The following PPM1D variants were observed in gnomAD, a reference collection of about 807,000 sequenced individuals.
PPM1D encodes protein phosphatase 1D.
PPM1D carries 52 observed loss-of-function variants against 58.3 expected under a neutral mutation model. The observed-to-expected ratio is 0.89, with a 90% CI of 0.71 to 1.12. PPM1D has a LOEUF of 1.12. Among genes scored for constraint, PPM1D ranks in the 50% most tolerant of loss-of-function variants. The probability of loss-of-function intolerance (pLI) is 0.00; values close to 1 mark genes in which losing one functional copy is unlikely to be tolerated. For synonymous variants in PPM1D, 278 were observed against 285.1 expected (o/e 0.98, Z 0.25); for missense variants, 564 against 777.2 (o/e 0.73, Z 3.26).
Position 60,663,137 on chromosome 17 carries a change from C to A in PPM1D, c.1403C>A (p.Ser468Ter), listed in dbSNP as rs375975790. ...RENVQGVVIPSKDPEPLEENC... is the reference protein window; with the variant it reads ...RENVQGVVIP ...AATGTCCAAGGTGTAGTCATACCCT[C>A]AAAAGATCCAGAACCACTTGAAGAA... The change falls in exon 6 of 6, where the codon TCA (serine) becomes TAA (stop). Residue 468 changes from serine to a stop codon, truncating the protein, a stop_gained. Transcript: ENST00000305921. LOFTEE classifies it high-confidence loss of function. 1 of 1,614,114 alleles carries A rather than the reference C, an allele frequency of 6.2e-7. No individual in the cohort carries two copies. Among genetic ancestry groups the A allele is most frequent in the Non-Finnish European group, 8.5e-7 (1 of 1,180,006 alleles).
intron 3 of PPM1D, among the ~76,000 whole-genome samples, chr17:60,643,362 T>C (rs943234410): frequency 1.3e-5 from 2 of 151,974 alleles, no homozygotes; most frequent in African/African-American, 4.8e-5. Flanking sequence ...TCCTGGGCAA[T>C]AGAGTAAGAC....
chr17:60,635,422 T>C (rs2143678122), intron 3 of PPM1D, among the ~76,000 whole-genome samples: 3 of 152,188 alleles, frequency 2.0e-5, no homozygotes, highest in South Asian at 2.1e-4. Flanking sequence ...TCTATGTTGG[T>C]CAGACTGGTC....
chr17:60,608,537 G>C (rs1252629437), intron 1 of PPM1D, among the ~76,000 whole-genome samples: 1 of 151,920 alleles, frequency 6.6e-6, no homozygotes, highest in Non-Finnish European at 1.5e-5. Context: ...GCTACAGTGA[G>C]CTGAGATCAA....
intron 1 of PPM1D, among the ~76,000 whole-genome samples, chr17:60,603,182 A>G (rs1194731929): frequency 2.0e-5 from 3 of 151,888 alleles, no homozygotes; most frequent in Non-Finnish European, 4.4e-5. Context: ...CCTTTTTTCT[A>G]CTTTTGTAGT....
chr17:60,657,455 A>G (rs1289124909), intron 5 of PPM1D, among the ~76,000 whole-genome samples: 2 of 152,206 alleles, frequency 1.3e-5, no homozygotes. Context: ...TTCCCACCAA[A>G]AATTAGCAGT....
intron 2 of PPM1D, among the ~76,000 whole-genome samples, chr17:60,632,544 G>A (rs1452224313): frequency 6.6e-6 from 1 of 150,474 alleles, no homozygotes; most frequent in Non-Finnish European, 1.5e-5. Context: ...TCCAGCCTGG[G>A]CGACAGAGAC....
intron 2 of PPM1D, among the ~76,000 whole-genome samples, chr17:60,624,660 C>T (rs2030769902): frequency 6.6e-6 from 1 of 152,066 alleles, no homozygotes; most frequent in Non-Finnish European, 1.5e-5. Flanking sequence ...GTGGCACATG[C>T]CTGTAATCCC....
At position 60,600,660 on chromosome 17, in the gene PPM1D, C is replaced by G. The variant is rs568338768; in HGVS notation, c.246C>G (p.Ala82=). 174 of 1,550,706 alleles carry G rather than the reference C, an allele frequency of 1.1e-4. 2 individuals carry two copies. The South Asian group carries it at 2.0e-3, about 18-fold the overall frequency. The part of the protein sequence containing the change: ...AREARDPLPD[A]GASPAPSRCC... The stretch of plus-strand genomic sequence containing the variant: ...AGGCTCGCGACCCTCTCCCGGACGC[C>G]GGGGCCTCGCCGGCACCTAGCCGCT... The change falls in exon 1 of 6, where the codon GCC becomes GCG. Residue 82 remains alanine (A), a synonymous_variant. Coordinates refer to ENST00000305921, the MANE Select transcript of PPM1D (RefSeq NM_003620.4).
At chr17:60,645,659 TACAC>T (rs748981153) in intron 3 of PPM1D, among the ~76,000 whole-genome samples, 1 of 138,060 alleles carries the variant, frequency 7.2e-6, no homozygotes, top group Non-Finnish European at 1.5e-5. Context: ...TATATATATA[TACAC>T]ACACACACAT....
At chr17:60,609,105 G>C (rs1338066029) in intron 1 of PPM1D, among the ~76,000 whole-genome samples, 2 of 150,060 alleles carry the variant, frequency 1.3e-5, no homozygotes, top group Non-Finnish European at 3.0e-5. Context: ...TTGTTTGTTT[G>C]TTTTTTAAGA....
rs777286459 is a variant in PPM1D at position 60,666,087 on chromosome 17, T to G, written c.*2535T>G. The G allele has an allele frequency of 1.3e-5, 2 of 152,190 alleles. No homozygotes were observed. Among genetic ancestry groups the G allele is most frequent in the African/African-American group, 2.4e-5 (1 of 41,458 alleles). 9.4% of individuals were successfully genotyped at this position (152,190 alleles called of 1,614,324 possible). A position where few individuals can be genotyped will look rare whatever the true frequency, so the allele number is the denominator to read the frequency against. On this transcript the variant is annotated 3_prime_UTR_variant, in exon 6 of 6. Transcript: ENST00000305921. ...CATCTGGAAGGAGGCTGTCACAACCTGGAAGTTAAAAGCATTGATATTCTG... is the reference window on the plus strand; with the variant it reads ...CATCTGGAAGGAGGCTGTCACAACCGGGAAGTTAAAAGCATTGATATTCTG...
At chr17:60,643,488 A>G in intron 3 of PPM1D, among the ~76,000 whole-genome samples, 1 of 152,234 alleles carries the variant, frequency 6.6e-6, no homozygotes, top group Admixed American at 6.5e-5. Context: ...TAATTCTGTC[A>G]TCAGTTTATA....
At chr17:60,607,226 T>C (rs567846244) in intron 1 of PPM1D, among the ~76,000 whole-genome samples, 17 of 152,188 alleles carry the variant, frequency 1.1e-4, no homozygotes, top group Non-Finnish European at 1.8e-4. Flanking sequence ...CACATATATA[T>C]GTTTACTGCC....
intron 5 of PPM1D, among the ~76,000 whole-genome samples, chr17:60,661,928 T>A (rs1053400639): frequency 2.0e-5 from 3 of 152,242 alleles, no homozygotes; most frequent in Non-Finnish European, 2.9e-5. Flanking sequence ...ACTGAGATGC[T>A]ACCATCCCCT....
At chr17:60,609,680 T>C (rs1481577324) in intron 1 of PPM1D, among the ~76,000 whole-genome samples, 1 of 152,192 alleles carries the variant, frequency 6.6e-6, no homozygotes, top group African/African-American at 2.4e-5. Flanking sequence ...AGTAGCTTGT[T>C]AGTCACTTAG....
In PPM1D at chr17:60,647,985, A is replaced by G; in HGVS notation, c.920A>G (p.Lys307Arg). Reference protein sequence around the residue: ...SVHTLDPQKHKYIILGSDGLW... With the variant: ...SVHTLDPQKHRYIILGSDGLW... ...CACACTCTTGACCCTCAGAAGCACA[A>G]GTATATTATATTGGGGAGTGATGGA... Residue 307 changes from lysine to arginine, a missense_variant, in exon 4 of 6, where the codon AAG (lysine) becomes AGG (arginine). By Grantham distance (26) the Lys-to-Arg change is conservative (BLOSUM62 2). Around this residue, in one of 7 missense-constraint regions of PPM1D, gnomAD observed 95 missense variants for 232.6 expected, o/e 0.41. Transcript: ENST00000305921. The G allele has an allele frequency of 1.2e-6, 2 of 1,614,020 alleles. No homozygotes were observed. Among genetic ancestry groups the G allele is most frequent in the Non-Finnish European group, 8.5e-7 (1 of 1,179,922 alleles).
intron 1 of PPM1D, among the ~76,000 whole-genome samples, chr17:60,623,019 C>T (rs1302568149): frequency 6.6e-6 from 1 of 152,138 alleles, no homozygotes; most frequent in Admixed American, 6.5e-5. Flanking sequence ...ATCACTTGAA[C>T]CCAGGAGGCA....
intron 5 of PPM1D, among the ~76,000 whole-genome samples, chr17:60,660,615 G>C (rs1308901264): frequency 6.6e-6 from 1 of 151,694 alleles, no homozygotes; most frequent in Non-Finnish European, 1.5e-5. Flanking sequence ...ACAAAAATTA[G>C]CTGGGCATGG....
chr17:60,623,267 C>A (rs1431915609), intron 1 of PPM1D, among the ~76,000 whole-genome samples: 2 of 152,074 alleles, frequency 1.3e-5, no homozygotes, highest in African/African-American at 2.4e-5. Flanking sequence ...CAGTAGTAAA[C>A]CTGTCCTGTA....
Sources: gnomAD v4.1 joint callset for allele counts (sites outside exome capture counted in the v4.1 genomes callset) on GRCh38, gnomAD v4.1.1 for gene constraint, gnomAD v4.1.1 regional missense constraint, MANE v1.5 for transcripts, NCBI Gene and HGNC (gene_info 2026-07-23, HGNC 2026-07-21) for gene names.